The following HERC2 variants were observed in gnomAD, a reference collection of about 807,000 sequenced individuals.
The protein encoded by HERC2 is E3 ubiquitin-protein ligase HERC2.
A neutral mutation model predicts 537.7 loss-of-function variants in HERC2; 102 were observed. The observed-to-expected ratio is 0.19, with a 90% confidence interval of 0.16 to 0.22. The LOEUF (loss-of-function observed/expected upper bound fraction) is 0.22, where lower values mean the gene tolerates loss of function less well. HERC2 is among the 10% of genes least tolerant of loss of function. The probability of loss-of-function intolerance (pLI) is 1.00; values close to 1 mark genes in which losing one functional copy is unlikely to be tolerated. For missense variants in HERC2, 4,236 were observed against 6,198.2 expected (o/e 0.68, Z 10.63); for synonymous variants, 2,224 against 2,466.2 (o/e 0.90, Z 2.91).
intron 86 of HERC2, 134 bp from the exon 87 acceptor site, chr15:28,117,288 G>T: frequency 1.1e-6 from 1 of 914,416 alleles, no homozygotes; most frequent in Non-Finnish European, 1.7e-6. Context: ...ACACCTGCTT[G>T]TGTGGACGCC....
intron 59 of HERC2, among the ~76,000 whole-genome samples, chr15:28,178,559 G>A (rs1400555014): frequency 6.6e-6 from 1 of 151,880 alleles, no homozygotes; most frequent in Non-Finnish European, 1.5e-5. Flanking sequence ...CTAGCACGGT[G>A]CCTCCAAAAT....
intron 42 of HERC2, among the ~76,000 whole-genome samples, chr15:28,213,086 CG>C (rs1231252449): frequency 7.6e-6 from 1 of 131,846 alleles, no homozygotes; most frequent in Non-Finnish European, 1.6e-5. Context: ...TGGCACACAC[CG>C]TAATCCCAGA....
intron 67 of HERC2, 134 bp downstream of exon 67, chr15:28,168,270 ATTC>A (rs1894346755): frequency 3.9e-6 from 3 of 761,182 alleles, no homozygotes; most frequent in South Asian, 1.9e-5. Flanking sequence ...TACAGAGAAT[ATTC>A]TTCTAAGTAA....
intron 35 of HERC2, among the ~76,000 whole-genome samples, chr15:28,223,091 G>A (rs1900698597): frequency 1.3e-5 from 2 of 152,150 alleles, no homozygotes; most frequent in South Asian, 4.1e-4. Context: ...ACCTGGGGGT[G>A]GTCTTGGAGA....
chr15:28,271,765 T>C lies in HERC2; in HGVS notation c.1083+450A>G, dbSNP rs139874505. ...CCAAAAAGACTGGCAAAATCCAACT[T>C]GTACTTGACATGTAAAGACCAGCAG... On this transcript the variant is annotated intron_variant, in intron 9 of 92. Transcript: ENST00000261609. Among the ~76,000 whole-genome samples, 1,235 of 152,280 alleles carry C rather than the reference T, an allele frequency of 8.1e-3. 24 individuals carry two copies. Among genetic ancestry groups the C allele is most frequent in the African/African-American group, 0.028 (1,175 of 41,556 alleles).
chr15:28,205,288 C>CAGGGAGCTCGTGCACCGCCCCACG (rs1555425679), intron 45 of HERC2, among the ~76,000 whole-genome samples: 1 of 34,088 alleles, frequency 2.9e-5, no homozygotes, highest in African/African-American at 1.1e-4. Flanking sequence ...AGCATGACTG[C>CAGGGAGCTCGTGCACCGCCCCACG]TCTCAAGTTG....
Position 28,272,994 on chromosome 15 carries a change from C to T in HERC2, c.811G>A (p.Gly271Arg), listed in dbSNP as rs61751203. The T allele has an allele frequency of 2.0e-5, 32 of 1,612,236 alleles. No homozygotes were observed. Among genetic ancestry groups the T allele is most frequent in the Non-Finnish European group, 2.5e-5 (29 of 1,179,854 alleles). ...LRSVVTGDVHGTPATKGPGSI... is the reference protein window; with the variant it reads ...LRSVVTGDVHRTPATKGPGSI... ...CCTGGCCCTTTGGTGGCTGGCGTTCCGTGAACATCCCTGAAATGAAAGCAG... is the reference window on the plus strand; with the variant it reads ...CCTGGCCCTTTGGTGGCTGGCGTTCTGTGAACATCCCTGAAATGAAAGCAG... The change falls in exon 8 of 93, where the codon GGA becomes AGA. Residue 271 changes from glycine (G) to arginine (R), a missense_variant. Physicochemically the swap from Gly to Arg is moderately radical, Grantham distance 125 (BLOSUM62 -2). Around this residue, in one of 27 missense-constraint regions of HERC2, gnomAD observed 491 missense variants for 559.3 expected, o/e 0.88. Coordinates refer to ENST00000261609, the MANE Select transcript of HERC2 (RefSeq NM_004667.6).
intron 83 of HERC2, among the ~76,000 whole-genome samples, chr15:28,127,527 C>T (rs1177714901): frequency 2.6e-5 from 4 of 152,224 alleles, no homozygotes; most frequent in African/African-American, 9.6e-5. Context: ...GTATTGTTTA[C>T]ATTACTATTC....
chr15:28,238,494 T>C, intron 24 of HERC2, 108 bp downstream of exon 24: 1 of 873,714 alleles, frequency 1.1e-6, no homozygotes, highest in Non-Finnish European at 1.8e-6. Flanking sequence ...TACATTAAAA[T>C]ATGTGGGGGC....
rs1216081931 is a variant in HERC2 at position 28,210,966 on chromosome 15, T to C, written c.7069+36A>G. Reference sequence around the variant, plus strand: ...TTCCTTTGTCTACTTTCTACTGCCCTTCTTATAAAGATTTAAGAACTTTTT... The same window carrying C: ...TTCCTTTGTCTACTTTCTACTGCCCCTCTTATAAAGATTTAAGAACTTTTT... On this transcript the variant is annotated intron_variant, in intron 44 of 92. Coordinates refer to ENST00000261609, the MANE Select transcript of HERC2 (RefSeq NM_004667.6). 3 of 994,670 alleles carry C rather than the reference T, an allele frequency of 3.0e-6. No individual in the cohort carries two copies. The South Asian group carries it at 3.8e-5, about 13-fold the overall frequency. The allele number at this position is 994,670 out of a possible 1,614,324, so 61.6% of individuals were successfully genotyped here. A position where few individuals can be genotyped will look rare whatever the true frequency, so the allele number is the denominator to read the frequency against.
rs1280171471 is a variant in HERC2 at position 28,215,724 on chromosome 15, G to A, written c.6107C>T (p.Thr2036Met). 14 of 1,611,896 alleles carry A rather than the reference G, an allele frequency of 8.7e-6. No homozygotes were observed. The highest frequency in any genetic ancestry group is 4.5e-5 in the East Asian group (2 of 44,896). ...TLGFVRSIAL[T>M]PQVCGALSSP... is the part of the protein sequence containing the mutation. ...GCTGAGGGCGCCGCATACCTGCGGC[G>A]TGAGAGCGATGCTCCGCACAAACCC... The change falls in exon 39 of 93, where the codon ACG (threonine) becomes ATG (methionine). Residue 2036 changes from threonine (T) to methionine (M), a missense_variant. By Grantham distance (81) the Thr-to-Met change is moderately conservative (BLOSUM62 -1). Around this residue, in one of 27 missense-constraint regions of HERC2, gnomAD observed 365 missense variants for 468.8 expected, o/e 0.78. Transcript: ENST00000261609.
chr15:28,135,720 T>A, intron 78 of HERC2, 28 bp from the exon 79 acceptor site: 1 of 1,554,666 alleles, frequency 6.4e-7, no homozygotes, highest in Non-Finnish European at 8.9e-7. Context: ...AATAGTAACA[T>A]CAGTTTTTAA....
chr15:28,245,355 T>C (rs553115880), intron 23 of HERC2, among the ~76,000 whole-genome samples: 38 of 152,152 alleles, frequency 2.5e-4, no homozygotes, highest in African/African-American at 8.9e-4. Flanking sequence ...GAGACCATCC[T>C]GGACAACATG....
intron 86 of HERC2, among the ~76,000 whole-genome samples, chr15:28,118,669 T>C (rs1888544739): frequency 6.6e-6 from 1 of 152,146 alleles, no homozygotes; most frequent in Non-Finnish European, 1.5e-5. Context: ...TTGGGAGGCG[T>C]GTCCCTGAGC....
chr15:28,308,764 T>C (rs1234266776), intron 2 of HERC2, among the ~76,000 whole-genome samples: 4 of 152,250 alleles, frequency 2.6e-5, no homozygotes, highest in Admixed American at 6.5e-5. Context: ...TGAAAGGATG[T>C]TGAATTTTAT....
Position 28,143,908 on chromosome 15 carries a change from G to C in HERC2, c.11383C>G (p.Leu3795Val). Residue 3795 changes from leucine to valine, a missense_variant, in exon 74 of 93, where the codon CTG becomes GTG. Coordinates refer to ENST00000261609, the MANE Select transcript of HERC2 (RefSeq NM_004667.6). ...EFGQSININR[L>V]LGENDGETRA... is the part of the protein sequence containing the mutation. ...GTTTCCCCATCATTTTCTCCAAGCA[G>C]CCTATTTATGTTAATTGACTGCCCA... 1 of 1,614,088 alleles carries C rather than the reference G, an allele frequency of 6.2e-7. No individual in the cohort carries two copies.
intron 4 of HERC2, 103 bp downstream of exon 4, chr15:28,292,785 T>C: frequency 8.3e-7 from 1 of 1,208,068 alleles, no homozygotes; most frequent in Non-Finnish European, 1.2e-6. Context: ...TTTATTTACT[T>C]TTTTTAAAAT....
At chr15:28,158,089 T>C (rs933256249) in intron 69 of HERC2, among the ~76,000 whole-genome samples, 17 of 152,238 alleles carry the variant, frequency 1.1e-4, no homozygotes, top group Non-Finnish European at 2.1e-4. Flanking sequence ...GATGGCACTA[T>C]GGTCTGAGAG....
intron 20 of HERC2, among the ~76,000 whole-genome samples, chr15:28,253,817 C>T (rs1166022155): frequency 1.3e-5 from 2 of 151,486 alleles, no homozygotes; most frequent in Admixed American, 6.6e-5. Context: ...CAAAAATCAG[C>T]CAGGTGTGGT....
Sources: gnomAD v4.1 joint callset for allele counts (sites outside exome capture counted in the v4.1 genomes callset) on GRCh38, gnomAD v4.1.1 for gene constraint, gnomAD v4.1.1 regional missense constraint, MANE v1.5 for transcripts, NCBI Gene and HGNC (gene_info 2026-07-23, HGNC 2026-07-21) for gene names.